The following SYT9 variants were observed in gnomAD, a reference collection of about 807,000 sequenced individuals.
SYT9 encodes the protein synaptotagmin 9.
In SYT9, 22 loss-of-function variants were observed where a neutral mutation model predicts 48.4. That is an observed-to-expected ratio of 0.45 (90% CI 0.32 to 0.65). The LOEUF (loss-of-function observed/expected upper bound fraction) is 0.65, where lower values mean the gene tolerates loss of function less well. SYT9 is among the 30% of genes least tolerant of loss of function. The pLI, the probability that SYT9 is intolerant of heterozygous loss-of-function variation, is 0.03. For synonymous variants in SYT9, 265 were observed against 245.0 expected (o/e 1.08, Z -0.76); for missense variants, 577 against 622.0 (o/e 0.93, Z 0.77).
At chr11:7,395,116 C>T (rs1987343) in intron 3 of SYT9, among the ~76,000 whole-genome samples, 45,696 of 151,812 alleles carry the variant, frequency 0.3, 7,650 homozygotes, top group East Asian at 0.59. Context: ...GTACCCATCA[C>T]CCGAGCGGTA....
At chr11:7,351,711 C>A (rs758990379) in intron 3 of SYT9, among the ~76,000 whole-genome samples, 22 of 152,166 alleles carry the variant, frequency 1.4e-4, no homozygotes, top group African/African-American at 4.6e-4. Context: ...GCTTCTCTAG[C>A]AAGCAAAATA....
intron 3 of SYT9, among the ~76,000 whole-genome samples, chr11:7,363,075 T>A (rs1850176607): frequency 6.7e-6 from 1 of 149,298 alleles, no homozygotes; most frequent in Non-Finnish European, 1.5e-5. Context: ...GAGTCACCAG[T>A]GTCTGTAAAT....
At chr11:7,346,738 T>C (rs956667573) in intron 3 of SYT9, among the ~76,000 whole-genome samples, 2 of 152,248 alleles carry the variant, frequency 1.3e-5, no homozygotes, top group African/African-American at 2.4e-5. Context: ...TCCTTGATTA[T>C]GTAATCTGTC....
intron 1 of SYT9, among the ~76,000 whole-genome samples, chr11:7,270,334 G>C (rs140983915): frequency 3.9e-5 from 6 of 152,276 alleles, no homozygotes; most frequent in Admixed American, 3.9e-4. Context: ...GTTATAGGCT[G>C]TTTGATTTAG....
chr11:7,277,060 CAAAA>C (rs1259943348), intron 1 of SYT9, among the ~76,000 whole-genome samples: 4 of 139,952 alleles, frequency 2.9e-5, no homozygotes, highest in African/African-American at 5.0e-5. Flanking sequence ...TCTCAAAAAA[CAAAA>C]AACAAACAAA....
At chr11:7,428,902 G>T (rs1378102990) in intron 6 of SYT9, among the ~76,000 whole-genome samples, 1 of 152,152 alleles carries the variant, frequency 6.6e-6, no homozygotes, top group Non-Finnish European at 1.5e-5. Flanking sequence ...AACTGTTGAT[G>T]CTTTCTAAGG....
intron 3 of SYT9, among the ~76,000 whole-genome samples, chr11:7,410,056 T>G (rs1236066835): frequency 6.6e-6 from 1 of 152,162 alleles, no homozygotes; most frequent in Non-Finnish European, 1.5e-5. Flanking sequence ...TTATTTACAT[T>G]TGTTTCAAGA....
chr11:7,287,924 T>G lies in SYT9; in HGVS notation c.146-15115T>G, dbSNP rs564661557. Among the ~76,000 whole-genome samples the G allele has an allele frequency of 2.6e-5, 4 of 152,280 alleles. No homozygotes were observed. In the East Asian group the frequency reaches 7.7e-4, roughly 29 times the overall value. On this transcript the variant is annotated intron_variant, in intron 1 of 6. Transcript: ENST00000318881. ...TTTTTATTGTTTCCTTATTATATAT[T>G]TATAAGTTTGCTGAAGGAAGTGGCA... is the stretch of plus-strand genomic sequence containing the variant.
rs146271712 is a variant in SYT9 at position 7,416,757 on chromosome 11, T to C, written c.1165+595T>C. Among the ~76,000 whole-genome samples, 29 of 152,296 alleles carry C rather than the reference T, an allele frequency of 1.9e-4. No individual in the cohort carries two copies. The East Asian group carries it at 5.4e-3, about 28-fold the overall frequency. ...GGATTTTCCTATCTGTGAAGGGTCC[T>C]GAAACCAATTCCTTGTGGATAACAA... is the stretch of plus-strand genomic sequence containing the variant. On this transcript the variant is annotated intron_variant, in intron 4 of 6. Coordinates refer to ENST00000318881, the MANE Select transcript of SYT9 (RefSeq NM_175733.4).
intron 3 of SYT9, among the ~76,000 whole-genome samples, chr11:7,318,637 A>G (rs1245283661): frequency 2.6e-5 from 4 of 152,188 alleles, no homozygotes; most frequent in Non-Finnish European, 2.9e-5. Context: ...TTTTGTGGAT[A>G]TATTCATATT....
chr11:7,295,165 T>G (rs961645492), intron 1 of SYT9, among the ~76,000 whole-genome samples: 2 of 152,250 alleles, frequency 1.3e-5, no homozygotes, highest in African/African-American at 4.8e-5. Flanking sequence ...CATTCTGTTT[T>G]GCTTAACAAT....
chr11:7,250,273 A>G (rs1301549048), upstream of SYT9, among the ~76,000 whole-genome samples: 1 of 152,150 alleles, frequency 6.6e-6, no homozygotes, highest in East Asian at 1.9e-4. Context: ...GTTTCTAGCA[A>G]TCAGCTAATG....
Position 7,296,523 on chromosome 11 carries a change from T to C in SYT9, c.146-6516T>C, listed in dbSNP as rs536876619. Among the ~76,000 whole-genome samples the C allele has an allele frequency of 6.6e-5, 10 of 152,350 alleles. No homozygotes were observed. In the South Asian group the frequency reaches 2.1e-3, roughly 32 times the overall value. On this transcript the variant is annotated intron_variant, in intron 1 of 6. Coordinates refer to ENST00000318881, the MANE Select transcript of SYT9 (RefSeq NM_175733.4). ...TTCACTGGATAATTCCAGAATGTTATGATGCTTGAACTCAACAATTTCTCC... is the reference window on the plus strand; with the variant it reads ...TTCACTGGATAATTCCAGAATGTTACGATGCTTGAACTCAACAATTTCTCC...
intron 1 of SYT9, among the ~76,000 whole-genome samples, chr11:7,284,503 A>G (rs751712909): frequency 2.0e-5 from 3 of 152,138 alleles, no homozygotes; most frequent in Admixed American, 6.6e-5. Flanking sequence ...ACATTCTACA[A>G]TGAAAATCAT....
At chr11:7,344,398 C>T (rs869111978) in intron 3 of SYT9, among the ~76,000 whole-genome samples, 3 of 152,030 alleles carry the variant, frequency 2.0e-5, no homozygotes, top group African/African-American at 7.2e-5. Flanking sequence ...ATTCTTAATT[C>T]TGCTCAAGTC....
In SYT9 at chr11:7,418,124, G is replaced by A. The variant is rs1847286049; in HGVS notation, c.1333G>A (p.Asp445Asn). The A allele has an allele frequency of 6.2e-6, 10 of 1,613,098 alleles. No homozygotes were observed. Among genetic ancestry groups the A allele is most frequent in the Non-Finnish European group, 6.8e-6 (8 of 1,179,642 alleles). Reference protein sequence around the residue: ...IHLSIAVMDYDRVGHNEIIGV... With the variant: ...IHLSIAVMDYNRVGHNEIIGV... ...CTTGTCCATAGCAGTCATGGACTATGACCGGTGAGATACCTGGAACTCTTT... is the reference window on the plus strand; with the variant it reads ...CTTGTCCATAGCAGTCATGGACTATAACCGGTGAGATACCTGGAACTCTTT... Residue 445 changes from aspartate (D) to asparagine (N), a missense_variant, in exon 5 of 7, where the codon GAC becomes AAC. Coordinates refer to ENST00000318881, the MANE Select transcript of SYT9 (RefSeq NM_175733.4).
At chr11:7,339,422 T>G (rs1449181361) in intron 3 of SYT9, among the ~76,000 whole-genome samples, 3 of 152,092 alleles carry the variant, frequency 2.0e-5, no homozygotes. Context: ...TACGCCAGCT[T>G]GTTTGTGTGG....
chr11:7,400,217 C>T (rs867175218), intron 3 of SYT9, among the ~76,000 whole-genome samples: 1 of 152,170 alleles, frequency 6.6e-6, no homozygotes, highest in African/African-American at 2.4e-5. Flanking sequence ...TATGCTGTTG[C>T]CAGTGCTTGG....
chr11:7,341,510 T>A (rs986134902), intron 3 of SYT9, among the ~76,000 whole-genome samples: 1 of 152,184 alleles, frequency 6.6e-6, no homozygotes, highest in Admixed American at 6.5e-5. Flanking sequence ...CCTGCTGCCA[T>A]GTAAGACATG....
Sources: allele counts gnomAD v4.1 joint callset (sites outside exome capture counted in the v4.1 genomes callset), GRCh38; gene constraint gnomAD v4.1.1; transcripts MANE v1.5; gene names NCBI Gene and HGNC (gene_info 2026-07-23, HGNC 2026-07-21).